TENM4: variants seen among roughly 807,000 people sequenced by gnomAD.
TENM4 encodes the protein teneurin transmembrane protein 4, also known as teneurin-4.
TENM4 carries 82 observed loss-of-function variants against 243.3 expected under a neutral mutation model. The observed-to-expected ratio is 0.34, with a 90% CI of 0.28 to 0.40. The LOEUF (loss-of-function observed/expected upper bound fraction) is 0.40. Among genes scored for constraint, TENM4 ranks in the 10% least tolerant of loss-of-function variants. The pLI is 1.00. For synonymous variants in TENM4, 1,412 were observed against 1,456.3 expected (o/e 0.97, Z 0.69); for missense variants, 3,138 against 3,673.3 (o/e 0.85, Z 3.77).
chr11:78,918,482 C>T (rs1856371373), intron 6 of TENM4, among the ~76,000 whole-genome samples: 1 of 151,500 alleles, frequency 6.6e-6, no homozygotes, highest in Non-Finnish European at 1.5e-5. Context: ...AGAGAGAAAT[C>T]CAATCAGCCC....
rs1189874053 is a variant in TENM4, at chr11:78,903,338, C to T, written c.679G>A (p.Gly227Ser). ...GCGTGGGCAGGCTCCTGGGCGCCGC[C>T]GGCAGGGGGCTCTCCGGAGAGCGAG... ...DHSLSGEPPA[G>S]GAQEPAHAQE... Residue 227 changes from glycine to serine, a missense_variant, in exon 7 of 34, where the codon GGC becomes AGC. This residue lies in a region of TENM4 where 671 missense variants were observed against 614.1 expected (regional missense o/e 1.09). Coordinates refer to ENST00000278550, the MANE Select transcript of TENM4 (RefSeq NM_001098816.3). The T allele has an allele frequency of 6.8e-7, 1 of 1,478,484 alleles. No homozygotes were observed. The highest frequency in any genetic ancestry group is 9.0e-7 in the Non-Finnish European group (1 of 1,115,952). The allele number at this position is 1,478,484 out of a possible 1,614,324, so 91.6% of individuals were successfully genotyped here.
At chr11:79,381,090 G>T (rs1230407751) in intron 1 of TENM4, among the ~76,000 whole-genome samples, 1 of 152,122 alleles carries the variant, frequency 6.6e-6, no homozygotes, top group African/African-American at 2.4e-5. Flanking sequence ...TTGTAGCCCT[G>T]ACTCTTGAGT....
chr11:78,954,211 G>A (rs935772642), intron 6 of TENM4, among the ~76,000 whole-genome samples: 1 of 152,224 alleles, frequency 6.6e-6, no homozygotes, highest in African/African-American at 2.4e-5. Context: ...AGGGCAGGGG[G>A]CTGCCTGGGG....
chr11:79,205,502 C>A (rs1863835514), intron 3 of TENM4, among the ~76,000 whole-genome samples: 1 of 152,228 alleles, frequency 6.6e-6, no homozygotes. Flanking sequence ...AGGTCCTCAA[C>A]TCCATCAGCC....
intron 2 of TENM4, among the ~76,000 whole-genome samples, chr11:79,218,898 T>A (rs1023126792): frequency 1.3e-5 from 2 of 152,244 alleles, no homozygotes; most frequent in African/African-American, 4.8e-5. Context: ...CATTCACATA[T>A]TCACTCATTC....
At chr11:78,741,725 C>G (rs1855934910) in intron 19 of TENM4, among the ~76,000 whole-genome samples, 1 of 152,186 alleles carries the variant, frequency 6.6e-6, no homozygotes, top group African/African-American at 2.4e-5. Flanking sequence ...AACACTGACC[C>G]TACACTGAGG....
intron 6 of TENM4, among the ~76,000 whole-genome samples, chr11:79,012,929 T>G (rs1471156364): frequency 6.6e-6 from 1 of 152,204 alleles, no homozygotes; most frequent in Non-Finnish European, 1.5e-5. Context: ...CTTTTGCAGA[T>G]GACACTGAGG....
chr11:78,805,277 T>TCCCCACCCAACACAACCCCC lies in TENM4; in HGVS notation c.2179+14_2179+15insGGGGGTTGTGTTGGGTGGGG. The TCCCCACCCAACACAACCCCC allele has an allele frequency of 7.1e-7, 1 of 1,402,550 alleles. No homozygotes were observed. The highest frequency in any genetic ancestry group is 9.7e-7 in the Non-Finnish European group (1 of 1,033,116). The allele number at this position is 1,402,550 out of a possible 1,614,324, so 86.9% of individuals were successfully genotyped here. ...CCCCTCCCTCTACCCATGCTTCTTC[T>TCCCCACCCAACACAACCCCC]CCCCCTGCATTTACCGATAGAACAG... On this transcript the variant is annotated intron_variant, in intron 15 of 33. Transcript: ENST00000278550.
chr11:79,111,781 GCAGCACACA>G (rs1346655841), intron 4 of TENM4, among the ~76,000 whole-genome samples: 1 of 152,102 alleles, frequency 6.6e-6, no homozygotes, highest in Non-Finnish European at 1.5e-5. Context: ...ATATGATGTG[GCAGCACACA>G]CACCACAGAA....
chr11:79,192,573 G>A (rs1863538733), intron 3 of TENM4, among the ~76,000 whole-genome samples: 1 of 151,684 alleles, frequency 6.6e-6, no homozygotes, highest in Non-Finnish European at 1.5e-5. Flanking sequence ...AAGGCAGCAT[G>A]CTCGTTTAAG....
chr11:79,147,054 A>G (rs1862407157), intron 4 of TENM4, among the ~76,000 whole-genome samples: 1 of 152,102 alleles, frequency 6.6e-6, no homozygotes, highest in South Asian at 2.1e-4. Flanking sequence ...CGTATATGCT[A>G]TTTCACTCAG....
chr11:79,239,651 A>C (rs906212831), intron 2 of TENM4, among the ~76,000 whole-genome samples: 1 of 152,220 alleles, frequency 6.6e-6, no homozygotes, highest in Non-Finnish European at 1.5e-5. Context: ...CAAGAAGAAC[A>C]AAAGAAACTA....
rs1049362039 is a variant in TENM4 at position 78,903,435 on chromosome 11, C to T, written c.582G>A (p.Ala194=). The part of the protein sequence containing the change: ...SHAHTPNQHH[A]ASINSLNRGN... Reference sequence around the variant, plus strand: ...CCCGGTTCAGGGAGTTAATGGAGGCCGCGTGGTGCTGGTTGGGGGTGTGGG... The same window carrying T: ...CCCGGTTCAGGGAGTTAATGGAGGCTGCGTGGTGCTGGTTGGGGGTGTGGG... Residue 194 remains alanine, a synonymous_variant, in exon 7 of 34, where the codon GCG becomes GCA. Transcript: ENST00000278550. 3.2e-6 allele frequency: 5 copies of T among 1,547,570 alleles called. No individual in the cohort carries two copies. In the African/African-American group the frequency reaches 5.5e-5, roughly 17 times the overall value.
rs1413432539 is a variant in TENM4, at chr11:78,732,524, G to A, written c.2930C>T (p.Ala977Val). 1.9e-6 allele frequency: 3 copies of A among 1,613,126 alleles called. No individual in the cohort carries two copies. The highest frequency in any genetic ancestry group is 2.5e-6 in the Non-Finnish European group (3 of 1,179,412). Reference sequence around the variant, plus strand: ...GGTGTGCTCCTGTGTGATGAAAGGTGCCCGCTCGAACCGCAGGATGATGGA... The same window carrying A: ...GGTGTGCTCCTGTGTGATGAAAGGTACCCGCTCGAACCGCAGGATGATGGA... ...GISIILRFER[A>V]PFITQEHTLW... Residue 977 changes from alanine (A) to valine (V), a missense_variant, in exon 21 of 34, where the codon GCA becomes GTA. This residue lies in a region of TENM4 where 2,467 missense variants were observed against 3,059.1 expected (regional missense o/e 0.81). Coordinates refer to ENST00000278550, the MANE Select transcript of TENM4 (RefSeq NM_001098816.3).
intron 29 of TENM4, 70 bp downstream of exon 29, chr11:78,687,984 G>A: frequency 6.5e-7 from 1 of 1,539,724 alleles, no homozygotes; most frequent in East Asian, 2.3e-5. Context: ...CCTATTTCTT[G>A]TGCCATCCTC....
intron 3 of TENM4, among the ~76,000 whole-genome samples, chr11:79,187,456 A>G (rs1482659264): frequency 6.6e-6 from 1 of 152,156 alleles, no homozygotes; most frequent in East Asian, 1.9e-4. Flanking sequence ...ACCTTTTGTC[A>G]ATAGTGGTTT....
chr11:79,037,141 C>G lies in TENM4; in HGVS notation c.493+27597G>C, dbSNP rs556619528. Among the ~76,000 whole-genome samples, 8 of 152,054 alleles carry G rather than the reference C, an allele frequency of 5.3e-5. No homozygotes were observed. The East Asian group carries it at 1.6e-3, about 30-fold the overall frequency. On this transcript the variant is annotated intron_variant, in intron 6 of 33. Transcript: ENST00000278550. Reference sequence around the variant, plus strand: ...GAAAGGGGCGATTGTATTACAACATCATCCAGGACAGGAGGGACAGCGTGG... The same window carrying G: ...GAAAGGGGCGATTGTATTACAACATGATCCAGGACAGGAGGGACAGCGTGG...
chr11:78,782,082 G>A (rs543439441), intron 16 of TENM4, among the ~76,000 whole-genome samples: 2 of 152,284 alleles, frequency 1.3e-5, no homozygotes, highest in Admixed American at 6.5e-5. Context: ...TTATCACAGG[G>A]TCCTATACCT....
chr11:78,842,872 G>A, intron 12 of TENM4, among the ~76,000 whole-genome samples: 1 of 152,188 alleles, frequency 6.6e-6, no homozygotes, highest in East Asian at 1.9e-4. Flanking sequence ...CTATTGTAAA[G>A]GTTTGAAATA....
Sources: gnomAD v4.1 joint callset for allele counts (sites outside exome capture counted in the v4.1 genomes callset) on GRCh38, gnomAD v4.1.1 for gene constraint, gnomAD v4.1.1 regional missense constraint, MANE v1.5 for transcripts, NCBI Gene and HGNC (gene_info 2026-07-23, HGNC 2026-07-21) for gene names.